Variants in PHLDB1 observed in about 807,000 individuals in gnomAD.
PHLDB1 encodes pleckstrin homology like domain family B member 1.
A neutral mutation model predicts 139.3 loss-of-function variants in PHLDB1; 65 were observed. The ratio of observed to expected loss-of-function variants is 0.47; its 90% CI spans 0.38 to 0.57. The LOEUF (loss-of-function observed/expected upper bound fraction) is 0.57, where lower values mean the gene tolerates loss of function less well. Ranked by LOEUF, PHLDB1 falls within the 20% of genes least tolerant of loss-of-function variation. The probability of loss-of-function intolerance (pLI) is 0.00; values close to 1 mark genes in which losing one functional copy is unlikely to be tolerated. For synonymous variants in PHLDB1, 679 were observed against 734.5 expected, an observed-to-expected ratio of 0.92 and a Z score of 1.22; for missense variants, 1,624 against 1,839.7, an observed-to-expected ratio of 0.88 and a Z score of 2.14.
intron 6 of PHLDB1, among the ~76,000 whole-genome samples, chr11:118,629,298 T>C (rs1719978376): frequency 6.6e-6 from 1 of 152,180 alleles, no homozygotes; most frequent in Admixed American, 6.5e-5. Context: ...GCCTGTGTAA[T>C]TGTGACTGTG....
Position 118,657,436 on chromosome 11 carries a change from C to T in PHLDB1, c.*613C>T, listed in dbSNP as rs1253571556. 1 of 153,036 alleles carries T rather than the reference C, an allele frequency of 6.5e-6. No individual in the cohort carries two copies. The highest frequency in any genetic ancestry group is 1.5e-5 in the Non-Finnish European group (1 of 68,378). 9.5% of individuals were successfully genotyped at this position (153,036 alleles called of 1,614,324 possible). Reference sequence around the variant, plus strand: ...TGCAGCTCTGTGGCCCAGCCCACTGCTTCAGCTGTGGGCCATCTGAGGGTA... The same window carrying T: ...TGCAGCTCTGTGGCCCAGCCCACTGTTTCAGCTGTGGGCCATCTGAGGGTA... On this transcript the variant is annotated 3_prime_UTR_variant, in exon 23 of 23. Coordinates refer to ENST00000600882, the MANE Select transcript of PHLDB1 (RefSeq NM_001144758.3).
In PHLDB1 at chr11:118,650,081, G is replaced by A. The variant is rs782221612; in HGVS notation, c.3659G>A (p.Arg1220Gln). The A allele has an allele frequency of 5.0e-6, 8 of 1,613,352 alleles. No homozygotes were observed. Among genetic ancestry groups the A allele is most frequent in the South Asian group, 2.2e-5 (2 of 91,046 alleles). The change falls in exon 19 of 23, where the codon CGA becomes CAA. Residue 1220 changes from arginine (R) to glutamine (Q), a missense_variant. Physicochemically the swap from Arg to Gln is conservative, Grantham distance 43. Transcript: ENST00000600882. The surrounding 1 kb of genome is among the most constrained non-coding windows in gnomAD (Gnocchi z 4.7). ...KMREKQFSQA[R>Q]PLTRYLPIRK... ...GACCCTCCCTCTTGCTCCCAGGCAC[G>A]ACCCCTGACCCGCTACCTGCCAATC...
rs1944534230 is a variant in PHLDB1 at position 118,630,051 on chromosome 11, T to C, written c.1828-1156T>C. The C allele has an allele frequency of 3.2e-6, 4 of 1,242,890 alleles. No individual in the cohort carries two copies. In the South Asian group the frequency reaches 5.0e-5, roughly 16 times the overall value. 77.0% of individuals were successfully genotyped at this position (1,242,890 alleles called of 1,614,324 possible). ...CGGTTTTTTTTTTTTTTTTTTGCCA[T>C]GGAACTGGGCAAGCAACAGGAGGGA... is the stretch of plus-strand genomic sequence containing the variant. On this transcript the variant is annotated intron_variant, in intron 6 of 22. Transcript: ENST00000600882.
In PHLDB1 at chr11:118,624,951, G is replaced by A. The variant is rs782276038; in HGVS notation, c.373G>A (p.Gly125Ser). The change falls in exon 5 of 23, where the codon GGT (glycine) becomes AGT (serine). Residue 125 changes from glycine to serine, a missense_variant. Transcript: ENST00000600882. ...CTCTGCAGGCTGCATGTTGTGCCTG[G>A]GTCAGTCCACCTTCCTTCGCTTTAA... ...RLTQGCMLCLGQSTFLRFNHP... is the reference protein window; with the variant it reads ...RLTQGCMLCLSQSTFLRFNHP... 1.2e-6 allele frequency: 2 copies of A among 1,613,918 alleles called. No homozygotes were observed. Among genetic ancestry groups the A allele is most frequent in the African/African-American group, 1.3e-5 (1 of 74,974 alleles).
intron 9 of PHLDB1, chr11:118,634,812 C>G: frequency 3.5e-6 from 1 of 283,032 alleles, no homozygotes; most frequent in South Asian, 2.6e-5. Context: ...TCTGTCCCGC[C>G]CTGGCCGCCC....
Position 118,645,464 on chromosome 11 carries a change from C to T in PHLDB1, c.3230C>T (p.Pro1077Leu). 1 of 1,609,438 alleles carries T rather than the reference C, an allele frequency of 6.2e-7. No individual in the cohort carries two copies. The highest frequency in any genetic ancestry group is 8.5e-7 in the Non-Finnish European group (1 of 1,177,684). ...WDALHGAAPF[P>L]AGPSGFPPLM... ...GCCCTTCACGGGGCAGCACCCTTCC[C>T]AGCGGGCCCCTCGGGCTTCCCCCCT... Residue 1077 changes from proline (P) to leucine (L), a missense_variant, in exon 16 of 23, where the codon CCA becomes CTA. Physicochemically the swap from Pro to Leu is moderately conservative, Grantham distance 98 (BLOSUM62 -3). Transcript: ENST00000600882. The surrounding 1 kb of genome is among the most constrained non-coding windows in gnomAD (Gnocchi z 5.1).
intron 15 of PHLDB1, 146 bp downstream of exon 15, chr11:118,644,320 T>G: frequency 1.6e-6 from 1 of 631,932 alleles, no homozygotes; most frequent in East Asian, 2.7e-5. Context: ...AGTGGGTACC[T>G]AAAGAAGAGC....
intron 15 of PHLDB1, chr11:118,644,516 C>T: frequency 2.1e-6 from 1 of 478,504 alleles, no homozygotes; most frequent in Non-Finnish European, 3.5e-6. Context: ...GAGATATTGG[C>T]TCTGGGGACC....
At chr11:118,614,446 C>A in intron 2 of PHLDB1, 113 bp from the exon 3 acceptor site, 1 of 1,184,542 alleles carries the variant, frequency 8.4e-7, no homozygotes, top group Non-Finnish European at 1.2e-6. Context: ...CTTTCAGCAC[C>A]CTCAGAGCCC....
intron 4 of PHLDB1, among the ~76,000 whole-genome samples, chr11:118,617,359 T>C (rs1941853599): frequency 6.6e-6 from 1 of 152,184 alleles, no homozygotes; most frequent in Non-Finnish European, 1.5e-5. Context: ...AGAAGCCCCT[T>C]GGAAGTGGCC....
rs782807323 is a variant in PHLDB1, at chr11:118,613,843, G to A, written c.7G>A (p.Ala3Thr). ...GCTCTGGAGCCTTAGGACCATGGAC[G>A]CTCTCAATAGGAACCAAATAGGCCC... MD[A>T]LNRNQIGPGC... Residue 3 changes from alanine to threonine, a missense_variant, in exon 2 of 23, where the codon GCT becomes ACT. Transcript: ENST00000600882. 75 of 1,611,626 alleles carry A rather than the reference G, an allele frequency of 4.7e-5. No individual in the cohort carries two copies. Among genetic ancestry groups the A allele is most frequent in the Non-Finnish European group, 5.9e-5 (69 of 1,178,138 alleles).
chr11:118,625,178 A>C, intron 5 of PHLDB1, 119 bp downstream of exon 5: 1 of 1,203,566 alleles, frequency 8.3e-7, no homozygotes, highest in Non-Finnish European at 1.1e-6. Flanking sequence ...GTCTGGGCTC[A>C]CTGCCACCTG....
In PHLDB1 at chr11:118,638,908, G is replaced by A; in HGVS notation, c.2553G>A (p.Leu851=). The change falls in exon 11 of 23, where the codon CTG becomes CTA. Residue 851 remains leucine (L), a synonymous_variant. Coordinates refer to ENST00000600882, the MANE Select transcript of PHLDB1 (RefSeq NM_001144758.3). ...TCCTTTAGGAGCGCCTGGCCATCCT[G>A]GACAGTCAGGCTGGGCAGATCCGGG... ...IAKRKERLAI[L]DSQAGQIRAQ... is the part of the protein sequence containing the mutation. 2 of 1,612,636 alleles carry A rather than the reference G, an allele frequency of 1.2e-6. No homozygotes were observed. The highest frequency in any genetic ancestry group is 1.7e-5 in the Admixed American group (1 of 59,872).
chr11:118,645,356 G>A lies in PHLDB1; in HGVS notation c.3122G>A (p.Gly1041Glu). 9 of 1,516,080 alleles carry A rather than the reference G, an allele frequency of 5.9e-6. No individual in the cohort carries two copies. In the South Asian group the frequency reaches 1.1e-4, roughly 18 times the overall value. The allele number at this position is 1,516,080 out of a possible 1,614,324, so 93.9% of individuals were successfully genotyped here. The stretch of plus-strand genomic sequence containing the variant: ...TGACTCCCATCTGTCTCTCCTTCAG[G>A]ACAACAAGTGATTGAAGAGCAGCGG... ...TKRQLALQQK[G>E]QQVIEEQRRR... Residue 1041 changes from glycine (G) to glutamate (E), a missense_variant and splice_region_variant, in exon 16 of 23, where the codon GGA becomes GAA. By Grantham distance (98) the Gly-to-Glu change is moderately conservative. Coordinates refer to ENST00000600882, the MANE Select transcript of PHLDB1 (RefSeq NM_001144758.3). The surrounding 1 kb of genome is among the most constrained non-coding windows in gnomAD (Gnocchi z 5.1).
At chr11:118,631,627 G>A (rs1233659685) in intron 7 of PHLDB1, 148 bp downstream of exon 7, 1 of 756,390 alleles carries the variant, frequency 1.3e-6, no homozygotes, top group Non-Finnish European at 2.0e-6. Context: ...AATGAGACAA[G>A]GAAGAGAAGG....
rs782210978 is a variant in PHLDB1, at chr11:118,647,989, G to A, written c.3567G>A (p.Gln1189=). 2 of 1,606,048 alleles carry A rather than the reference G, an allele frequency of 1.2e-6. No individual in the cohort carries two copies. The highest frequency in any genetic ancestry group is 1.3e-5 in the African/African-American group (1 of 74,890). The stretch of plus-strand genomic sequence containing the variant: ...AGGAGGAGCGGCGGAGGCGTGAGCA[G>A]GTAGAACGGAGGCTGCAGAGTGAGA... ...ALEEERRRRE[Q]VERRLQSESA... The change falls in exon 18 of 23, where the codon CAG becomes CAA. Residue 1189 remains glutamine, a synonymous_variant. Transcript: ENST00000600882.
Position 118,613,807 on chromosome 11 carries a change from T to G in PHLDB1, c.-21-9T>G, listed in dbSNP as rs1555085979. On this transcript the variant is annotated splice_polypyrimidine_tract_variant and intron_variant, in intron 1 of 22. Coordinates refer to ENST00000600882, the MANE Select transcript of PHLDB1 (RefSeq NM_001144758.3). Reference sequence around the variant, plus strand: ...CTCCCCACTCACCACCTTTCTGCTGTGTCCCTAGGAGCTCTGGAGCCTTAG... The same window carrying G: ...CTCCCCACTCACCACCTTTCTGCTGGGTCCCTAGGAGCTCTGGAGCCTTAG... 1.3e-6 allele frequency: 2 copies of G among 1,594,338 alleles called. No individual in the cohort carries two copies. The highest frequency in any genetic ancestry group is 1.7e-6 in the Non-Finnish European group (2 of 1,163,028).
In PHLDB1 at chr11:118,625,007, C is replaced by T; in HGVS notation, c.429C>T (p.Ser143=). 4 of 1,613,868 alleles carry T rather than the reference C, an allele frequency of 2.5e-6. No individual in the cohort carries two copies. The highest frequency in any genetic ancestry group is 3.4e-6 in the Non-Finnish European group (4 of 1,179,790). Residue 143 remains serine, a synonymous_variant, in exon 5 of 23, where the codon AGC becomes AGT. Coordinates refer to ENST00000600882, the MANE Select transcript of PHLDB1 (RefSeq NM_001144758.3). ...CGGCTGAAGCCAAGTGGATGAAAAGCATGATTCCAGCAGGGGGCCGAGCCC... is the reference window on the plus strand; with the variant it reads ...CGGCTGAAGCCAAGTGGATGAAAAGTATGATTCCAGCAGGGGGCCGAGCCC... ...NHPAEAKWMK[S]MIPAGGRAPG... is the part of the protein sequence containing the mutation.
chr11:118,634,572 CAGG>C (rs1258299425), intron 9 of PHLDB1: 2 of 164,008 alleles, frequency 1.2e-5, no homozygotes, highest in Non-Finnish European at 2.7e-5. Flanking sequence ...CAAGGGACTT[CAGG>C]AGACCAAAAT....
Sources: gnomAD v4.1 joint callset for allele counts (sites outside exome capture counted in the v4.1 genomes callset) on GRCh38, gnomAD v4.1.1 for gene constraint, Gnocchi (gnomAD v3.1) non-coding constraint, MANE v1.5 for transcripts, NCBI Gene and HGNC (gene_info 2026-07-23, HGNC 2026-07-21) for gene names.